Variants in ZNF385D observed in about 807,000 individuals in gnomAD.
The protein encoded by ZNF385D is zinc finger protein 659.
ZNF385D carries 15 observed loss-of-function variants against 35.8 expected under a neutral mutation model. The observed-to-expected ratio is 0.42, with a 90% CI of 0.28 to 0.64. The LOEUF (loss-of-function observed/expected upper bound fraction) is 0.64. ZNF385D is among the 30% of genes least tolerant of loss of function. The pLI, the probability that ZNF385D is intolerant of heterozygous loss-of-function variation, is 0.23. For missense variants in ZNF385D, 474 were observed against 494.6 expected (o/e 0.96, Z 0.39); for synonymous variants, 212 against 186.8 (o/e 1.13, Z -1.10).
At chr3:21,810,927 TACACACACAGCACATC>T (rs2072890628) in intron 3 of ZNF385D, among the ~76,000 whole-genome samples, 1 of 150,274 alleles carries the variant, frequency 6.7e-6, no homozygotes, top group African/African-American at 2.5e-5. Context: ...AAAACATATA[TACACACACAGCACATC>T]ACACACACAC....
At chr3:22,135,810 T>C (rs926904054) in intron 3 of ZNF385D, among the ~76,000 whole-genome samples, 3 of 151,696 alleles carry the variant, frequency 2.0e-5, no homozygotes, top group African/African-American at 7.3e-5. Context: ...GAAGAGAGAG[T>C]CCAGAAATTG....
chr3:21,778,003 T>C (rs987620609), intron 3 of ZNF385D, among the ~76,000 whole-genome samples: 1 of 151,888 alleles, frequency 6.6e-6, no homozygotes, highest in African/African-American at 2.4e-5. Context: ...GCAGTGTGTC[T>C]CCAGTAATAG....
chr3:22,257,368 A>C (rs1018578844), intron 2 of ZNF385D, among the ~76,000 whole-genome samples: 24 of 151,774 alleles, frequency 1.6e-4, no homozygotes, highest in African/African-American at 5.8e-4. Context: ...CATGCTATAA[A>C]GGCACCAACA....
intron 2 of ZNF385D, among the ~76,000 whole-genome samples, chr3:22,328,405 T>C (rs1694773731): frequency 6.6e-6 from 1 of 152,294 alleles, no homozygotes; most frequent in East Asian, 1.9e-4. Context: ...TGTTAGTATA[T>C]AAGTATACAT....
intron 3 of ZNF385D, among the ~76,000 whole-genome samples, chr3:22,009,524 G>T (rs1220171565): frequency 2.6e-5 from 4 of 151,534 alleles, no homozygotes. Context: ...TCGGGAGGCT[G>T]AGTCAGGAGA....
intron 2 of ZNF385D, among the ~76,000 whole-genome samples, chr3:21,576,437 G>C (rs193170599): frequency 1.7e-3 from 261 of 152,278 alleles, no homozygotes; most frequent in Non-Finnish European, 2.6e-3. Context: ...GGCATCTTCA[G>C]ACATTATTTT....
chr3:21,545,265 T>C (rs547220088), intron 3 of ZNF385D, among the ~76,000 whole-genome samples: 1 of 152,296 alleles, frequency 6.6e-6, no homozygotes, highest in Non-Finnish European at 1.5e-5. Context: ...AAATACAGAC[T>C]TGTGATAACT....
At chr3:21,567,501 A>T (rs1321306085) in intron 2 of ZNF385D, among the ~76,000 whole-genome samples, 1 of 152,182 alleles carries the variant, frequency 6.6e-6, no homozygotes, top group African/African-American at 2.4e-5. Context: ...CTCTAGGATC[A>T]TTCTATCACA....
intron 3 of ZNF385D, among the ~76,000 whole-genome samples, chr3:21,966,868 C>T (rs373593271): frequency 3.9e-5 from 6 of 152,198 alleles, no homozygotes; most frequent in South Asian, 2.1e-4. Context: ...GGGATTATAG[C>T]GCTGCGATTA....
intron 3 of ZNF385D, among the ~76,000 whole-genome samples, chr3:21,954,454 CACTT>C (rs1427569198): frequency 6.6e-6 from 1 of 151,944 alleles, no homozygotes; most frequent in South Asian, 2.1e-4. Flanking sequence ...GCCTTAGTAA[CACTT>C]AGAATAACTC....
At chr3:21,968,871 C>G (rs181372219) in intron 3 of ZNF385D, among the ~76,000 whole-genome samples, 3 of 152,296 alleles carry the variant, frequency 2.0e-5, no homozygotes, top group Admixed American at 1.3e-4. Flanking sequence ...TGCCTCACAG[C>G]TTGGATACCA....
chr3:21,909,989 G>A (rs1032265031), intron 3 of ZNF385D, among the ~76,000 whole-genome samples: 5 of 151,938 alleles, frequency 3.3e-5, no homozygotes, highest in African/African-American at 9.7e-5. Flanking sequence ...CAGAAAAACA[G>A]TATAAACTGC....
chr3:22,042,743 A>G (rs78207345), intron 3 of ZNF385D, among the ~76,000 whole-genome samples: 2,402 of 152,294 alleles, frequency 0.016, 68 homozygotes, highest in African/African-American at 0.055. Flanking sequence ...ACACTCAGAA[A>G]TTATTGTAAA....
At chr3:22,067,970 G>A (rs531436177) in intron 3 of ZNF385D, among the ~76,000 whole-genome samples, 199 of 151,388 alleles carry the variant, frequency 1.3e-3, no homozygotes, top group Non-Finnish European at 2.3e-3. Flanking sequence ...CCGAGATCAC[G>A]CCACTGCACA....
chr3:21,817,979 C>A (rs1659494537), intron 3 of ZNF385D, among the ~76,000 whole-genome samples: 1 of 152,118 alleles, frequency 6.6e-6, no homozygotes, highest in African/African-American at 2.4e-5. Context: ...ACATATACAC[C>A]ATGGAATTCT....
chr3:22,064,651 C>G (rs1213358412), intron 3 of ZNF385D, among the ~76,000 whole-genome samples: 8 of 152,132 alleles, frequency 5.3e-5, no homozygotes, highest in African/African-American at 1.9e-4. Flanking sequence ...ACAGATGAAC[C>G]TGGAGGACCT....
At chr3:22,059,556 G>A (rs187129904) in intron 3 of ZNF385D, among the ~76,000 whole-genome samples, 132 of 152,270 alleles carry the variant, frequency 8.7e-4, no homozygotes, top group Admixed American at 2.2e-3. Flanking sequence ...GGTTGGTGGT[G>A]GTGGTGGTGA....
chr3:21,681,181 C>CT (rs141981669), intron 1 of ZNF385D, among the ~76,000 whole-genome samples: 9,920 of 150,682 alleles, frequency 0.066, 376 homozygotes, highest in East Asian at 0.13. Flanking sequence ...TGAAAGACAT[C>CT]TAAGTCCTTC....
intron 3 of ZNF385D, among the ~76,000 whole-genome samples, chr3:22,002,441 T>C (rs1695899021): frequency 6.6e-6 from 1 of 152,042 alleles, no homozygotes; most frequent in Admixed American, 6.6e-5. Flanking sequence ...TAGTAAAAAG[T>C]CTTCCAGAAA....
Sources: gnomAD v4.1 joint callset for allele counts (sites outside exome capture counted in the v4.1 genomes callset) on GRCh38, gnomAD v4.1.1 for gene constraint, MANE v1.5 for transcripts, NCBI Gene and HGNC (gene_info 2026-07-23, HGNC 2026-07-21) for gene names.